Variants in WWOX observed in about 807,000 individuals in gnomAD.
The protein encoded by WWOX is WW domain-containing oxidoreductase.
WWOX carries 69 observed loss-of-function variants against 46.2 expected under a neutral mutation model. The observed-to-expected ratio is 1.49, with a 90% confidence interval of 1.23 to 1.82. The LOEUF (loss-of-function observed/expected upper bound fraction) is 1.82, where lower values mean the gene tolerates loss of function less well. Ranked by LOEUF, WWOX falls within the 40% of genes most tolerant of loss-of-function variation. The pLI is 0.00. For missense variants in WWOX, 919 were observed against 542.6 expected (o/e 1.69, Z -6.89); for synonymous variants, 359 against 202.6 (o/e 1.77, Z -6.56).
chr16:78,847,099 C>T (rs994928397), intron 8 of WWOX, among the ~76,000 whole-genome samples: 1 of 152,204 alleles, frequency 6.6e-6, no homozygotes, highest in African/African-American at 2.4e-5. Flanking sequence ...AGGCTTTACA[C>T]TGTCATCTTG....
intron 5 of WWOX, among the ~76,000 whole-genome samples, chr16:78,180,388 A>T (rs1468847101): frequency 6.6e-6 from 1 of 151,848 alleles, no homozygotes; most frequent in Non-Finnish European, 1.5e-5. Flanking sequence ...AGTTGGGGGC[A>T]TATGTTAGCC....
chr16:79,020,426 G>C (rs145834863), intron 8 of WWOX, among the ~76,000 whole-genome samples: 6 of 152,254 alleles, frequency 3.9e-5, no homozygotes, highest in Non-Finnish European at 7.4e-5. Context: ...TAACCTCTTT[G>C]TGGCTCAGTT....
intron 6 of WWOX, among the ~76,000 whole-genome samples, chr16:78,411,655 A>T (rs1241150022): frequency 6.6e-5 from 10 of 152,174 alleles, no homozygotes; most frequent in Non-Finnish European, 1.2e-4. Flanking sequence ...GTAAGATTAG[A>T]ATAGTATTTT....
At chr16:79,064,756 A>C (rs994738439) in intron 8 of WWOX, among the ~76,000 whole-genome samples, 1 of 152,318 alleles carries the variant, frequency 6.6e-6, no homozygotes, top group Non-Finnish European at 1.5e-5. Context: ...TGTGTGGGTC[A>C]GGAGACGCTT....
At chr16:78,514,397 C>G (rs2085438368) in intron 8 of WWOX, among the ~76,000 whole-genome samples, 3 of 152,180 alleles carry the variant, frequency 2.0e-5, no homozygotes, top group Admixed American at 2.0e-4. Flanking sequence ...TTCTCCTTGG[C>G]AGGTTTTCAC....
intron 5 of WWOX, among the ~76,000 whole-genome samples, chr16:78,383,535 CT>C (rs1235608365): frequency 1.3e-5 from 2 of 152,142 alleles, no homozygotes; most frequent in African/African-American, 4.8e-5. Flanking sequence ...CAGTTCACCT[CT>C]CGAAAAGGGG....
chr16:78,967,263 C>A (rs2046378890), intron 8 of WWOX, among the ~76,000 whole-genome samples: 1 of 144,156 alleles, frequency 6.9e-6, no homozygotes, highest in East Asian at 2.1e-4. Context: ...AACTGGGAGG[C>A]AACTACTCCT....
intron 8 of WWOX, among the ~76,000 whole-genome samples, chr16:79,195,594 T>C (rs1487117043): frequency 6.6e-6 from 1 of 152,206 alleles, no homozygotes; most frequent in Non-Finnish European, 1.5e-5. Context: ...GCCATGCCTC[T>C]CTAACTTCAG....
At chr16:78,528,067 C>T (rs565575484) in intron 8 of WWOX, among the ~76,000 whole-genome samples, 3 of 133,762 alleles carry the variant, frequency 2.2e-5, no homozygotes, top group African/African-American at 5.8e-5. Context: ...GGCGTAATCT[C>T]GGCTCACTGC....
rs1337105467 is a variant in WWOX at position 79,005,950 on chromosome 16, T to G, written c.1057-205658T>G. On this transcript the variant is annotated intron_variant, in intron 8 of 8. Coordinates refer to ENST00000566780, the MANE Select transcript of WWOX (RefSeq NM_016373.4). ...GGGAGAAACCCATCCATACTCTGGT[T>G]ACCCACTGGCCATTCCTGGGGACAG... Among the ~76,000 whole-genome samples the G allele has an allele frequency of 2.0e-5, 3 of 152,166 alleles. No individual in the cohort carries two copies. The East Asian group carries it at 5.8e-4, about 29-fold the overall frequency.
chr16:78,558,211 C>A (rs1423608226), intron 8 of WWOX, among the ~76,000 whole-genome samples: 3 of 152,098 alleles, frequency 2.0e-5, no homozygotes, highest in African/African-American at 7.2e-5. Context: ...GTGTTTTTGC[C>A]CTTCCGATCC....
chr16:78,443,304 C>CA (rs938134548), intron 8 of WWOX, among the ~76,000 whole-genome samples: 8 of 151,268 alleles, frequency 5.3e-5, no homozygotes, highest in South Asian at 4.2e-4. Flanking sequence ...GACTGAAAAA[C>CA]AAAAAAACAA....
chr16:78,928,292 TC>T (rs1158372932), intron 8 of WWOX, among the ~76,000 whole-genome samples: 1 of 147,386 alleles, frequency 6.8e-6, no homozygotes, highest in Non-Finnish European at 1.5e-5. Flanking sequence ...AAGCTCCGCC[TC>T]CCGGGTTCAC....
intron 5 of WWOX, among the ~76,000 whole-genome samples, chr16:78,299,610 C>G (rs2080005262): frequency 6.6e-6 from 1 of 151,730 alleles, no homozygotes. Context: ...TCACTGCAGC[C>G]TCCACTTCCT....
intron 8 of WWOX, among the ~76,000 whole-genome samples, chr16:78,677,053 G>T (rs886775791): frequency 1.5e-5 from 2 of 132,334 alleles, no homozygotes; most frequent in Non-Finnish European, 3.5e-5. Flanking sequence ...AATACCTAGC[G>T]TACTTTTTTT....
chr16:78,228,180 A>G (rs1025217592), intron 5 of WWOX, among the ~76,000 whole-genome samples: 2 of 152,180 alleles, frequency 1.3e-5, no homozygotes, highest in East Asian at 1.9e-4. Flanking sequence ...GCAACAGGAC[A>G]CAAGAAGATT....
intron 8 of WWOX, among the ~76,000 whole-genome samples, chr16:78,777,975 G>A (rs1026086364): frequency 6.6e-6 from 1 of 151,404 alleles, no homozygotes; most frequent in African/African-American, 2.4e-5. Context: ...AACCCAGGAG[G>A]TGGAAGTTGT....
chr16:79,097,676 G>C (rs952643443), intron 8 of WWOX, among the ~76,000 whole-genome samples: 2 of 152,124 alleles, frequency 1.3e-5, no homozygotes, highest in African/African-American at 2.4e-5. Context: ...TGAACGCTGT[G>C]CAATTTAATT....
At chr16:78,859,731 G>A (rs1413327352) in intron 8 of WWOX, among the ~76,000 whole-genome samples, 1 of 152,144 alleles carries the variant, frequency 6.6e-6, no homozygotes, top group African/African-American at 2.4e-5. Context: ...ATAACAGCTG[G>A]CAAACAGAAC....
Sources: gnomAD v4.1 joint callset for allele counts (sites outside exome capture counted in the v4.1 genomes callset) on GRCh38, gnomAD v4.1.1 for gene constraint, MANE v1.5 for transcripts, NCBI Gene and HGNC (gene_info 2026-07-23, HGNC 2026-07-21) for gene names.